TULP4: variants seen among roughly 807,000 people sequenced by gnomAD.
TULP4 encodes TUB like protein 4.
In TULP4, 16 loss-of-function variants were observed where a neutral mutation model predicts 129.0. That is an observed-to-expected ratio of 0.12 (90% confidence interval 0.08 to 0.19). The LOEUF is 0.19. TULP4 is among the 10% of genes least tolerant of loss of function. The probability of loss-of-function intolerance (pLI) is 1.00; values close to 1 mark genes in which losing one functional copy is unlikely to be tolerated. For synonymous variants in TULP4, 998 were observed against 854.0 expected (o/e 1.17, Z -2.94); for missense variants, 1,842 against 2,059.1 (o/e 0.89, Z 2.04).
intron 1 of TULP4, among the ~76,000 whole-genome samples, chr6:158,349,952 G>A (rs1780463741): frequency 7.0e-6 from 1 of 143,674 alleles, no homozygotes; most frequent in African/African-American, 2.6e-5. Context: ...TGGCGGCCGG[G>A]CAGAGGCACT....
At chr6:158,330,825 A>G (rs1342210) in intron 1 of TULP4, among the ~76,000 whole-genome samples, 131,044 of 152,188 alleles carry the variant, frequency 0.86, 56,851 homozygotes, top group South Asian at 0.93. Flanking sequence ...GTTTTTCCTT[A>G]TGTTTTATGA....
chr6:158,364,123 C>T (rs566805578), intron 1 of TULP4, among the ~76,000 whole-genome samples: 2 of 152,260 alleles, frequency 1.3e-5, no homozygotes, highest in Admixed American at 1.3e-4. Flanking sequence ...TTATTCTAAT[C>T]ACACTTCAAG....
chr6:158,266,167 G>A (rs767780062), intron 1 of TULP4, among the ~76,000 whole-genome samples: 8 of 152,164 alleles, frequency 5.3e-5, no homozygotes, highest in Non-Finnish European at 1.0e-4. Context: ...ACTGTTGGAA[G>A]CTTTTAAAAT....
chr6:158,365,464 CT>C (rs745788421), intron 1 of TULP4, among the ~76,000 whole-genome samples: 1 of 107,564 alleles, frequency 9.3e-6, no homozygotes. Flanking sequence ...TTCTTTTTTT[CT>C]TTTTTCTTTT....
chr6:158,285,399 G>A (rs1375992486), intron 1 of TULP4, among the ~76,000 whole-genome samples: 1 of 151,794 alleles, frequency 6.6e-6, no homozygotes, highest in African/African-American at 2.4e-5. Context: ...GTCATTATGC[G>A]AGAGTTTTGG....
chr6:158,334,824 T>G (rs1779994845), intron 1 of TULP4, among the ~76,000 whole-genome samples: 1 of 152,208 alleles, frequency 6.6e-6, no homozygotes, highest in South Asian at 2.1e-4. Flanking sequence ...AGACTCCTTA[T>G]AAAAGGGCTT....
At chr6:158,427,151 G>C (rs959208505) in intron 2 of TULP4, among the ~76,000 whole-genome samples, 3 of 152,112 alleles carry the variant, frequency 2.0e-5, no homozygotes, top group African/African-American at 7.2e-5. Flanking sequence ...TGTATAAAAA[G>C]GAATGAACTA....
intron 1 of TULP4, chr6:158,242,497 T>C: frequency 1.2e-6 from 1 of 802,226 alleles, no homozygotes; most frequent in African/African-American, 1.7e-5. Flanking sequence ...TCCTTCAGTT[T>C]GTCTGTCTGC....
At chr6:158,444,534 C>T (rs1031608207) in intron 3 of TULP4, among the ~76,000 whole-genome samples, 3 of 152,020 alleles carry the variant, frequency 2.0e-5, no homozygotes, top group African/African-American at 7.3e-5. Context: ...TTTTTGGAAG[C>T]ATGTATTATT....
chr6:158,422,909 G>T (rs1011611952), intron 2 of TULP4, among the ~76,000 whole-genome samples: 6 of 152,346 alleles, frequency 3.9e-5, no homozygotes, highest in African/African-American at 1.4e-4. Flanking sequence ...CTGGGACAAG[G>T]GCCGGAAGGC....
At chr6:158,411,625 T>C (rs552031402) in intron 1 of TULP4, among the ~76,000 whole-genome samples, 14 of 152,338 alleles carry the variant, frequency 9.2e-5, no homozygotes, top group African/African-American at 3.4e-4. Flanking sequence ...GATTTTATTA[T>C]ACATTTTACA....
Position 158,234,313 on chromosome 6 carries a change from C to T in TULP4, n.68+2010C>T, listed in dbSNP as rs115654400. 8.6e-3 allele frequency among the ~76,000 whole-genome samples: 1,284 copies of T among 148,958 alleles called. 20 individuals carry two copies. Among genetic ancestry groups the T allele is most frequent in the African/African-American group, 0.03 (1,224 of 40,916 alleles). ...GCCTGTTTTAAATGGAATCATCCAA[C>T]ATTGATGCTGAGATGGCGAGTAATG... is the stretch of plus-strand genomic sequence containing the variant. On this transcript the variant is annotated intron_variant and non_coding_transcript_variant, in intron 1 of 1. Transcript: ENST00000620026.
intron 1 of TULP4, among the ~76,000 whole-genome samples, chr6:158,334,346 C>T (rs926034261): frequency 1.3e-5 from 2 of 152,204 alleles, no homozygotes; most frequent in African/African-American, 4.8e-5. Flanking sequence ...GAAGTGTAAA[C>T]TTGCCATATG....
At chr6:158,457,032 G>A (rs1779306733) in intron 5 of TULP4, among the ~76,000 whole-genome samples, 1 of 152,008 alleles carries the variant, frequency 6.6e-6, no homozygotes, top group African/African-American at 2.4e-5. Context: ...CTATCTTACG[G>A]GCTATGTTGG....
At chr6:158,257,030 C>T (rs955242731) in intron 1 of TULP4, among the ~76,000 whole-genome samples, 1 of 152,106 alleles carries the variant, frequency 6.6e-6, no homozygotes, top group East Asian at 1.9e-4. Context: ...GGAACTGTTC[C>T]ATTTATGTTG....
chr6:158,387,127 T>C (rs1583823538), intron 1 of TULP4, among the ~76,000 whole-genome samples: 1 of 152,182 alleles, frequency 6.6e-6, no homozygotes, highest in Non-Finnish European at 1.5e-5. Flanking sequence ...AAAGAGAAGC[T>C]GTGGCCCAGG....
chr6:158,302,768 A>G (rs1305502745), intron 1 of TULP4, among the ~76,000 whole-genome samples: 3 of 152,020 alleles, frequency 2.0e-5, no homozygotes, highest in African/African-American at 7.3e-5. Context: ...GTTTTCCATT[A>G]TATTTTGACT....
upstream of TULP4, among the ~76,000 whole-genome samples, chr6:158,307,555 C>A (rs898439955): frequency 2.6e-5 from 4 of 152,174 alleles, no homozygotes; most frequent in African/African-American, 9.7e-5. Flanking sequence ...GATGTCGGCT[C>A]ACTGCAACCT....
chr6:158,339,893 G>A (rs1353078250), intron 1 of TULP4, among the ~76,000 whole-genome samples: 2 of 152,210 alleles, frequency 1.3e-5, no homozygotes, highest in Admixed American at 6.5e-5. Context: ...AGAGATTAAA[G>A]ACAGGCATAG....
Sources: allele counts gnomAD v4.1 joint callset (sites outside exome capture counted in the v4.1 genomes callset), GRCh38; gene constraint gnomAD v4.1.1; transcripts MANE v1.5; gene names NCBI Gene and HGNC (gene_info 2026-07-23, HGNC 2026-07-21).